The following C10orf67 variants were observed in gnomAD, a reference collection of about 807,000 sequenced individuals.
C10orf67 encodes uncharacterized protein C10orf67, mitochondrial.
In C10orf67, 60 loss-of-function variants were observed where a neutral mutation model predicts 35.6. The ratio of observed to expected loss-of-function variants is 1.68; its 90% CI spans 1.37 to 2.09. The LOEUF (loss-of-function observed/expected upper bound fraction) is 2.09. Ranked by LOEUF, C10orf67 falls within the 30% of genes most tolerant of loss-of-function variation. C10orf67 has a pLI of 0.00. For missense variants in C10orf67, 474 were observed against 330.2 expected (o/e 1.44, Z -3.38); for synonymous variants, 167 against 115.8 (o/e 1.44, Z -2.84).
chr10:23,235,463 A>G (rs1842024432), intron 13 of C10orf67, among the ~76,000 whole-genome samples: 1 of 152,236 alleles, frequency 6.6e-6, no homozygotes, highest in South Asian at 2.1e-4. Context: ...ATATAACAAA[A>G]TGCTACAATT....
rs928637905 is a variant in C10orf67 at position 23,333,240 on chromosome 10, T to C, written c.207-58A>G. The stretch of plus-strand genomic sequence containing the variant: ...TCATAGATATTTTCTTAGAAATAGA[T>C]GTTAATGCGTCTTTTTTTGTGTAAA... On this transcript the variant is annotated intron_variant, in intron 1 of 15. Transcript: ENST00000636213. 9 of 1,443,268 alleles carry C rather than the reference T, an allele frequency of 6.2e-6. No individual in the cohort carries two copies. The African/African-American group carries it at 1.3e-4, about 21-fold the overall frequency. The allele number at this position is 1,443,268 out of a possible 1,614,324, so 89.4% of individuals were successfully genotyped here. A position where few individuals can be genotyped will look rare whatever the true frequency, so the allele number is the denominator to read the frequency against.
chr10:23,214,199 T>G (rs1400267631), intron 15 of C10orf67, among the ~76,000 whole-genome samples: 1 of 151,966 alleles, frequency 6.6e-6, no homozygotes, highest in Non-Finnish European at 1.5e-5. Context: ...TAACAGAAAC[T>G]AATCAATCTT....
intron 10 of C10orf67, among the ~76,000 whole-genome samples, chr10:23,250,980 C>T (rs905186810): frequency 1.3e-4 from 20 of 152,034 alleles, no homozygotes; most frequent in African/African-American, 4.8e-4. Context: ...ACCTGTAGTC[C>T]CAGCTACTTG....
intron 4 of C10orf67, among the ~76,000 whole-genome samples, chr10:23,304,771 T>G (rs1844211576): frequency 6.6e-6 from 1 of 152,024 alleles, no homozygotes; most frequent in Non-Finnish European, 1.5e-5. Flanking sequence ...GAATACACAC[T>G]CATCTGTGTG....
rs551599566 is a variant in C10orf67, at chr10:23,227,206, A to C, written c.1435-3388T>G. On this transcript the variant is annotated intron_variant, in intron 13 of 15. Coordinates refer to ENST00000636213, the MANE Select transcript of C10orf67 (RefSeq NM_001371909.1). ...ATCCTCAATAAAATACTGGCAAACC[A>C]AATCCAGCAGCACATCAAAAAGCTT... 6.1e-4 allele frequency among the ~76,000 whole-genome samples: 93 copies of C among 152,212 alleles called. 1 individual carries two copies. The highest frequency in any genetic ancestry group is 1.2e-3 in the Admixed American group (19 of 15,266).
chr10:23,295,799 T>C (rs1363794136), intron 5 of C10orf67, among the ~76,000 whole-genome samples: 2 of 152,188 alleles, frequency 1.3e-5, no homozygotes, highest in Non-Finnish European at 2.9e-5. Flanking sequence ...AATGCAAAAA[T>C]TGAATGTGCT....
intron 4 of C10orf67, among the ~76,000 whole-genome samples, chr10:23,303,673 C>T (rs117430602): frequency 4.6e-5 from 7 of 152,148 alleles, no homozygotes; most frequent in South Asian, 4.1e-4. Flanking sequence ...AAAAGTATTA[C>T]GCACTATGTA....
chr10:23,266,104 C>A (rs1475339724), intron 10 of C10orf67, among the ~76,000 whole-genome samples, 158 bp downstream of exon 10: 1 of 151,870 alleles, frequency 6.6e-6, no homozygotes, highest in Non-Finnish European at 1.5e-5. Context: ...GGAGGCTCAC[C>A]CTGACATGTT....
intron 4 of C10orf67, among the ~76,000 whole-genome samples, chr10:23,316,115 C>T (rs1004321783): frequency 6.6e-6 from 1 of 152,216 alleles, no homozygotes; most frequent in Admixed American, 6.5e-5. Context: ...CTCATACTAC[C>T]AGCCTGGATC....
intron 12 of C10orf67, among the ~76,000 whole-genome samples, chr10:23,241,963 A>ATT (rs142155844): frequency 0.031 from 4,571 of 148,732 alleles, 216 homozygotes; most frequent in African/African-American, 0.11. Context: ...AAGAACTGAC[A>ATT]TTTTTTTTTT....
chr10:23,258,069 C>T (rs1388165897), intron 10 of C10orf67: 4 of 152,222 alleles, frequency 2.6e-5, no homozygotes, highest in Non-Finnish European at 2.9e-5. Context: ...TGAGGCAGCT[C>T]GCTGGAACAG....
intron 8 of C10orf67, among the ~76,000 whole-genome samples, chr10:23,270,507 A>G (rs1842988000): frequency 6.6e-6 from 1 of 152,170 alleles, no homozygotes; most frequent in Non-Finnish European, 1.5e-5. Context: ...GGTCCTGGGA[A>G]TCCTGGCAAG....
At chr10:23,220,329 A>G (rs1316698969) in intron 15 of C10orf67, among the ~76,000 whole-genome samples, 2 of 152,172 alleles carry the variant, frequency 1.3e-5, no homozygotes, top group African/African-American at 2.4e-5. Context: ...GAGAGGAATT[A>G]GCTAGGTATG....
chr10:23,305,802 A>G (rs535250784), intron 4 of C10orf67, among the ~76,000 whole-genome samples: 1 of 152,364 alleles, frequency 6.6e-6, no homozygotes, highest in South Asian at 2.1e-4. Context: ...GAACTGCCAT[A>G]TGATCCAGCT....
Position 23,252,524 on chromosome 10 carries a change from G to A in C10orf67, c.1201-1833C>T, listed in dbSNP as rs551560480. Among the ~76,000 whole-genome samples, 7 of 152,250 alleles carry A rather than the reference G, an allele frequency of 4.6e-5. 1 individual carries two copies. The highest frequency in any genetic ancestry group is 1.7e-4 in the African/African-American group (7 of 41,556). ...TTATGATATGCCAACAATTGTTTAA[G>A]CACTGGAGATACAATAGAAAACAAA... On this transcript the variant is annotated intron_variant, in intron 10 of 15. Coordinates refer to ENST00000636213, the MANE Select transcript of C10orf67 (RefSeq NM_001371909.1).
At chr10:23,228,982 G>C (rs1304015906) in intron 13 of C10orf67, among the ~76,000 whole-genome samples, 2 of 152,112 alleles carry the variant, frequency 1.3e-5, no homozygotes, top group East Asian at 3.9e-4. Flanking sequence ...TTACACTGTT[G>C]GTGGGACAGT....
intron 13 of C10orf67, among the ~76,000 whole-genome samples, chr10:23,231,195 A>T (rs186804305): frequency 6.6e-5 from 10 of 151,954 alleles, no homozygotes; most frequent in Admixed American, 6.6e-4. Context: ...TTAGTTAGGT[A>T]TTTGGCTGCA....
At chr10:23,225,337 C>A (rs1314348585) in intron 13 of C10orf67, among the ~76,000 whole-genome samples, 1 of 152,112 alleles carries the variant, frequency 6.6e-6, no homozygotes, top group Non-Finnish European at 1.5e-5. Context: ...TTTGTCACCA[C>A]CAGGCCTGCC....
intron 15 of C10orf67, among the ~76,000 whole-genome samples, chr10:23,217,351 G>T (rs192713602): frequency 6.6e-6 from 1 of 152,112 alleles, no homozygotes; most frequent in Non-Finnish European, 1.5e-5. Context: ...CATATACAAG[G>T]ATGTCATGTC....
Sources: allele counts gnomAD v4.1 joint callset (sites outside exome capture counted in the v4.1 genomes callset), GRCh38; gene constraint gnomAD v4.1.1; transcripts MANE v1.5; gene names NCBI Gene and HGNC (gene_info 2026-07-23, HGNC 2026-07-21).